Variants in SCARB1 observed in about 807,000 individuals in gnomAD.
SCARB1 encodes CD36 and LIMPII analogous 1.
SCARB1 carries 30 observed loss-of-function variants against 57.2 expected under a neutral mutation model. The ratio of observed to expected loss-of-function variants is 0.52; its 90% confidence interval spans 0.39 to 0.71. The LOEUF (loss-of-function observed/expected upper bound fraction) is 0.71, where lower values mean the gene tolerates loss of function less well. SCARB1 is among the 30% of genes least tolerant of loss of function. SCARB1 has a pLI of 0.00. For missense variants in SCARB1, 543 were observed against 671.2 expected (o/e 0.81, Z 2.11); for synonymous variants, 249 against 268.3 (o/e 0.93, Z 0.70).
chr12:124,797,916 G>A (rs1329518927), intron 8 of SCARB1, among the ~76,000 whole-genome samples: 2 of 152,214 alleles, frequency 1.3e-5, no homozygotes, highest in African/African-American at 4.8e-5. Context: ...CTCAGACAAC[G>A]AAAACCAGAA....
At chr12:124,829,631 A>C (rs1951307283) in intron 1 of SCARB1, among the ~76,000 whole-genome samples, 1 of 151,966 alleles carries the variant, frequency 6.6e-6, no homozygotes. Flanking sequence ...CTTTGCACTG[A>C]CTCTTTGCTC....
At position 124,814,485 on chromosome 12, in the gene SCARB1, CAA is replaced by C; in HGVS notation, c.427-82_427-81del. On this transcript the variant is annotated intron_variant, in intron 3 of 12. Transcript: ENST00000261693. This position sits in a 1 kb window ranked among gnomAD's most constrained non-coding sequence, Gnocchi z 4.7. The stretch of plus-strand genomic sequence containing the variant: ...CCTTGGCCCCAGCTGGGCCTCACAG[CAA>C]AGAGCCCATGAAGGGAAATGCTGGG... 6.9e-7 allele frequency: 1 copy of C among 1,447,160 alleles called. No homozygotes were observed. The highest frequency in any genetic ancestry group is 9.7e-7 in the Non-Finnish European group (1 of 1,033,964). 89.6% of individuals were successfully genotyped at this position (1,447,160 alleles called of 1,614,324 possible).
chr12:124,835,665 G>T (rs559409255), intron 1 of SCARB1, among the ~76,000 whole-genome samples: 2 of 152,106 alleles, frequency 1.3e-5, no homozygotes, highest in Non-Finnish European at 2.9e-5. Flanking sequence ...ACTAGGTCTT[G>T]TCTCTTCCTG....
chr12:124,792,260 G>A (rs1439405251), intron 9 of SCARB1, among the ~76,000 whole-genome samples: 1 of 152,118 alleles, frequency 6.6e-6, no homozygotes, highest in Non-Finnish European at 1.5e-5. Flanking sequence ...TGTGTCTCTA[G>A]ACTTTTCCCA....
intron 1 of SCARB1, among the ~76,000 whole-genome samples, chr12:124,820,214 T>C (rs1311939890): frequency 2.6e-5 from 4 of 152,140 alleles, no homozygotes; most frequent in Non-Finnish European, 4.4e-5. Flanking sequence ...GGGTGCGCCA[T>C]GAGCCTGGTG....
intron 1 of SCARB1, among the ~76,000 whole-genome samples, chr12:124,841,481 CAA>C (rs1158202606): frequency 5.9e-4 from 64 of 107,800 alleles, no homozygotes; most frequent in African/African-American, 1.0e-3. Flanking sequence ...GACTCTGTCT[CAA>C]AAAAAAAAAA....
chr12:124,792,094 G>A (rs538746873), intron 9 of SCARB1, among the ~76,000 whole-genome samples: 2 of 152,148 alleles, frequency 1.3e-5, no homozygotes, highest in East Asian at 1.9e-4. Context: ...GACAACAGAC[G>A]GTACCATTTA....
rs572321417 is a variant in SCARB1, at chr12:124,847,818, G to A, written c.126+15777C>T. Among the ~76,000 whole-genome samples, 4 of 152,286 alleles carry A rather than the reference G, an allele frequency of 2.6e-5. 1 individual carries two copies. The highest frequency in any genetic ancestry group is 4.8e-5 in the African/African-American group (2 of 41,558). On this transcript the variant is annotated intron_variant, in intron 1 of 12. Transcript: ENST00000261693. ...GGGGAGGATCCAGGCACCCAACCCCGGCTCATCAGAAACACTCTGCTCCAA... is the reference window on the plus strand; with the variant it reads ...GGGGAGGATCCAGGCACCCAACCCCAGCTCATCAGAAACACTCTGCTCCAA...
chr12:124,832,909 C>T lies in SCARB1; in HGVS notation c.127-15202G>A, dbSNP rs142372311. ...TACAAAGTTATTATCTTACAGTTCT[C>T]GGGGGGAGAAGTCCAAACTGGGACT... On this transcript the variant is annotated intron_variant, in intron 1 of 12. Coordinates refer to ENST00000261693, the MANE Select transcript of SCARB1 (RefSeq NM_005505.5). Among the ~76,000 whole-genome samples, 346 of 152,100 alleles carry T rather than the reference C, an allele frequency of 2.3e-3. 5 individuals carry two copies. Among genetic ancestry groups the T allele is most frequent in the African/African-American group, 8.0e-3 (334 of 41,502 alleles).
At chr12:124,787,504 A>G (rs1209210000) in intron 9 of SCARB1, 47 bp from the exon 10 acceptor site, 2 of 1,545,754 alleles carry the variant, frequency 1.3e-6, no homozygotes, top group South Asian at 2.3e-5. Context: ...TCTTACACCC[A>G]AACTTGATCT....
In SCARB1 at chr12:124,863,768, G is replaced by C; in HGVS notation, c.-48C>G. The C allele has an allele frequency of 7.1e-7, 1 of 1,399,370 alleles. No individual in the cohort carries two copies. Among genetic ancestry groups the C allele is most frequent in the African/African-American group, 1.5e-5 (1 of 65,690 alleles). 86.7% of individuals were successfully genotyped at this position (1,399,370 alleles called of 1,614,324 possible). A position where few individuals can be genotyped will look rare whatever the true frequency, so the allele number is the denominator to read the frequency against. On this transcript the variant is annotated 5_prime_UTR_variant, in exon 1 of 13. Transcript: ENST00000261693. ...CGCGGCTCGCAGGGCTCCGCGCCTG[G>C]CAGGAGACGGGGACGGCGACAGAGA...
intron 1 of SCARB1, among the ~76,000 whole-genome samples, chr12:124,854,439 G>A (rs1244003785): frequency 2.0e-5 from 3 of 152,194 alleles, no homozygotes; most frequent in Non-Finnish European, 4.4e-5. Context: ...GCCATGTCAG[G>A]GCTTTGAGGG....
intron 1 of SCARB1, among the ~76,000 whole-genome samples, chr12:124,840,712 G>A (rs773055577): frequency 4.0e-5 from 6 of 151,800 alleles, no homozygotes; most frequent in Non-Finnish European, 8.8e-5. Flanking sequence ...CCAGTCCACT[G>A]ACCTATCTTG....
intron 9 of SCARB1, among the ~76,000 whole-genome samples, chr12:124,788,429 G>A (rs550944782): frequency 1.3e-5 from 2 of 152,364 alleles, no homozygotes; most frequent in Admixed American, 6.5e-5. Flanking sequence ...GAAGCGTTAC[G>A]TGGGATGGCC....
intron 1 of SCARB1, among the ~76,000 whole-genome samples, chr12:124,855,778 A>C (rs1346125602): frequency 1.3e-5 from 2 of 152,168 alleles, no homozygotes; most frequent in Non-Finnish European, 2.9e-5. Flanking sequence ...GGTGTGGCTT[A>C]TGGCCCCAGG....
At position 124,782,773 on chromosome 12, in the gene SCARB1, G is replaced by C. The variant is rs775679167; in HGVS notation, c.1440C>G (p.Gly480=). The C allele has an allele frequency of 6.2e-7, 1 of 1,613,568 alleles. No homozygotes were observed. The highest frequency in any genetic ancestry group is 1.1e-5 in the South Asian group (1 of 91,068). The stretch of plus-strand genomic sequence containing the variant: ...CCTGAATGGCCTCCTTATCCTTTGA[G>C]CCCTTTTTACTACTACTCCAAAATA... ...CYLFWSSSKK[G]SKDKEAIQAY... The change falls in exon 12 of 13, where the codon GGC becomes GGG. Residue 480 remains glycine (G), a synonymous_variant. Transcript: ENST00000261693.
At chr12:124,783,540 C>T (rs1371736830) in intron 11 of SCARB1, 5 of 152,138 alleles carry the variant, frequency 3.3e-5, no homozygotes, top group African/African-American at 7.2e-5. Flanking sequence ...GAGGCCAAGG[C>T]GGCAGATCAT....
At position 124,815,119 on chromosome 12, in the gene SCARB1, G is replaced by C. The variant is rs751117023; in HGVS notation, c.285-5C>G. On this transcript the variant is annotated splice_polypyrimidine_tract_variant and splice_region_variant and intron_variant, in intron 2 of 12. Coordinates refer to ENST00000261693, the MANE Select transcript of SCARB1 (RefSeq NM_005505.5). ...TTGCTTTTGTGCCTGAACTCCCTGT[G>C]GGGGAAGCCAGTGGGTCAGACGCCC... The C allele has an allele frequency of 3.1e-6, 5 of 1,613,020 alleles. No homozygotes were observed. Among genetic ancestry groups the C allele is most frequent in the African/African-American group, 2.7e-5 (2 of 75,046 alleles).
intron 1 of SCARB1, among the ~76,000 whole-genome samples, chr12:124,841,820 C>T (rs981900626): frequency 5.3e-5 from 8 of 152,168 alleles, no homozygotes; most frequent in Admixed American, 2.6e-4. Flanking sequence ...TCACCTGCCT[C>T]GTCCCCTTCC....
Sources: allele counts gnomAD v4.1 joint callset (sites outside exome capture counted in the v4.1 genomes callset), GRCh38; gene constraint gnomAD v4.1.1; non-coding constraint Gnocchi (gnomAD v3.1); transcripts MANE v1.5; gene names NCBI Gene and HGNC (gene_info 2026-07-23, HGNC 2026-07-21).